The following TNPO1 variants were observed in gnomAD, a reference collection of about 807,000 sequenced individuals.
The protein encoded by TNPO1 is transportin 1.
In TNPO1, 8 loss-of-function variants were observed where a neutral mutation model predicts 119.5. That is an observed-to-expected ratio of 0.07 (90% CI 0.04 to 0.12). TNPO1 has a LOEUF of 0.12. Among genes scored for constraint, TNPO1 ranks in the 10% least tolerant of loss-of-function variants. The probability of loss-of-function intolerance (pLI) is 1.00; values close to 1 mark genes in which losing one functional copy is unlikely to be tolerated. For synonymous variants in TNPO1, 362 were observed against 363.0 expected (o/e 1.00, Z 0.03); for missense variants, 576 against 1,089.8 (o/e 0.53, Z 6.64).
chr5:72,882,995 C>T, intron 10 of TNPO1, 69 bp from the exon 11 acceptor site: 1 of 1,099,540 alleles, frequency 9.1e-7, no homozygotes, highest in Non-Finnish European at 1.4e-6. Context: ...TATTCTGTTT[C>T]TCTTACTCAT....
chr5:72,880,678 T>C (rs967606150), intron 9 of TNPO1, among the ~76,000 whole-genome samples: 1 of 151,978 alleles, frequency 6.6e-6, no homozygotes, highest in Non-Finnish European at 1.5e-5. Flanking sequence ...TAGCCAGGCA[T>C]GGTGGCGTAT....
At chr5:72,881,501 T>A (rs1193105222) in intron 9 of TNPO1, among the ~76,000 whole-genome samples, 2 of 152,238 alleles carry the variant, frequency 1.3e-5, no homozygotes, top group African/African-American at 4.8e-5. Context: ...GGTTGTTGAA[T>A]GCCTTTGGGG....
At chr5:72,901,144 C>A (rs1246461858) in intron 22 of TNPO1, 71 bp downstream of exon 22, 4 of 917,410 alleles carry the variant, frequency 4.4e-6, no homozygotes, top group South Asian at 4.4e-5. Context: ...CATTCTAATA[C>A]TTTAATTATA....
intron 3 of TNPO1, 151 bp from the exon 4 acceptor site, chr5:72,855,623 A>G: frequency 1.5e-6 from 1 of 660,970 alleles, no homozygotes; most frequent in Non-Finnish European, 2.5e-6. Flanking sequence ...TGATAGAGCT[A>G]ATCTTTTGTT....
At chr5:72,866,035 TTTTTTG>T (rs145573223) in intron 6 of TNPO1, among the ~76,000 whole-genome samples, 21,133 of 151,958 alleles carry the variant, frequency 0.14, 1,599 homozygotes, top group East Asian at 0.29. Flanking sequence ...TAGTTGTGGG[TTTTTTG>T]TTTTTGTTTT....
intron 9 of TNPO1, among the ~76,000 whole-genome samples, chr5:72,881,534 A>C (rs1163989125): frequency 6.6e-6 from 1 of 152,072 alleles, no homozygotes; most frequent in Non-Finnish European, 1.5e-5. Flanking sequence ...CCCTAGGGGG[A>C]TTGTTGGCTA....
chr5:72,848,640 CGGG>C (rs1163392917), intron 2 of TNPO1, 142 bp downstream of exon 2: 16 of 309,306 alleles, frequency 5.2e-5, no homozygotes, highest in Admixed American at 1.1e-4. Flanking sequence ...GGTCCGGGCG[CGGG>C]GGAAGCCGCC....
chr5:72,879,442 T>G (rs998266671), intron 9 of TNPO1, among the ~76,000 whole-genome samples: 2 of 152,206 alleles, frequency 1.3e-5, no homozygotes, highest in African/African-American at 2.4e-5. Context: ...AGCAGGAAAT[T>G]AAAAGATTAG....
At position 72,877,218 on chromosome 5, in the gene TNPO1, G is replaced by C. The variant is rs773926416; in HGVS notation, c.802-10G>C. Reference sequence around the variant, plus strand: ...TAAACTGACTAATATTAAGGATATTGTGTTTCCAGTACATGCTACAGAGGA... The same window carrying C: ...TAAACTGACTAATATTAAGGATATTCTGTTTCCAGTACATGCTACAGAGGA... On this transcript the variant is annotated splice_polypyrimidine_tract_variant and intron_variant, in intron 8 of 24. Transcript: ENST00000337273. 10 of 1,479,154 alleles carry C rather than the reference G, an allele frequency of 6.8e-6. No individual in the cohort carries two copies. In the South Asian group the frequency reaches 9.2e-5, roughly 14 times the overall value. 91.6% of individuals were successfully genotyped at this position (1,479,154 alleles called of 1,614,324 possible). A position where few individuals can be genotyped will look rare whatever the true frequency, so the allele number is the denominator to read the frequency against.
chr5:72,836,241 C>T (rs912208828), intron 1 of TNPO1, among the ~76,000 whole-genome samples: 6 of 152,228 alleles, frequency 3.9e-5, no homozygotes, highest in East Asian at 3.9e-4. Flanking sequence ...GGGGCCTCTG[C>T]GGTGGCCCCA....
intron 23 of TNPO1, 103 bp from the exon 24 acceptor site, chr5:72,905,199 TG>T: frequency 1.2e-6 from 1 of 862,562 alleles, no homozygotes; most frequent in Non-Finnish European, 1.8e-6. Context: ...TACTTTAAAA[TG>T]GATAAAATTT....
intron 3 of TNPO1, 111 bp downstream of exon 3, chr5:72,851,430 T>C (rs1421824780): frequency 4.4e-6 from 3 of 680,122 alleles, no homozygotes; most frequent in South Asian, 1.8e-5. Flanking sequence ...TTGTGCTTTA[T>C]AGATGTGGGA....
chr5:72,899,139 AGTATAAT>A (rs1435261955), intron 20 of TNPO1, among the ~76,000 whole-genome samples: 2 of 152,210 alleles, frequency 1.3e-5, no homozygotes, highest in Non-Finnish European at 1.5e-5. Context: ...GTGTGTAATT[AGTATAAT>A]GTATTATCTA....
intron 9 of TNPO1, among the ~76,000 whole-genome samples, chr5:72,880,038 T>C (rs974685479): frequency 3.3e-5 from 5 of 151,992 alleles, no homozygotes; most frequent in African/African-American, 1.2e-4. Flanking sequence ...AATACAAAAA[T>C]TAGCTGGGCG....
rs1415821692 is a variant in TNPO1 at position 72,893,498 on chromosome 5, G to A, written c.2018G>A (p.Arg673Gln). ...LGGNIEQLVA[R>Q]SNILTLMYQC... ...GGCAACATTGAACAGCTGGTAGCCC[G>A]AAGTAACATCCTGACACTAATGTAT... Residue 673 changes from arginine to glutamine, a missense_variant, in exon 17 of 25, where the codon CGA becomes CAA. Coordinates refer to ENST00000337273, the MANE Select transcript of TNPO1 (RefSeq NM_002270.4). 1.9e-6 allele frequency: 3 copies of A among 1,614,174 alleles called. No homozygotes were observed. Among genetic ancestry groups the A allele is most frequent in the East Asian group, 2.2e-5 (1 of 44,880 alleles).
rs921589038 is a variant in TNPO1, at chr5:72,910,384, G to T, written c.*1711G>T. ...TACTGTGAATGTGAAAACCTAACTG[G>T]TACACTTGATCTTGTGTTCATATGA... is the stretch of plus-strand genomic sequence containing the variant. On this transcript the variant is annotated 3_prime_UTR_variant, in exon 25 of 25. Transcript: ENST00000337273. 1 of 152,416 alleles carries T rather than the reference G, an allele frequency of 6.6e-6. No individual in the cohort carries two copies. The highest frequency in any genetic ancestry group is 1.5e-5 in the Non-Finnish European group (1 of 67,988). The allele number at this position is 152,416 out of a possible 1,614,324, so 9.4% of individuals were successfully genotyped here. A position where few individuals can be genotyped will look rare whatever the true frequency, so the allele number is the denominator to read the frequency against.
At chr5:72,865,432 C>T (rs908651758) in intron 5 of TNPO1, among the ~76,000 whole-genome samples, 164 bp from the exon 6 acceptor site, 4 of 149,442 alleles carry the variant, frequency 2.7e-5, no homozygotes, top group Non-Finnish European at 5.9e-5. Context: ...ACCAAGACTC[C>T]GTCTCAAAAA....
Position 72,816,763 on chromosome 5 carries a change from T to C in TNPO1, c.15+11T>C. On this transcript the variant is annotated intron_variant, in intron 1 of 24. Coordinates refer to ENST00000337273, the MANE Select transcript of TNPO1 (RefSeq NM_002270.4). ...ATGGTGTGGGACCGGGTAGGTGGCG[T>C]GAGGGTGCGCGGCCCCGAACTGCAG... 1 of 1,583,264 alleles carries C rather than the reference T, an allele frequency of 6.3e-7. No homozygotes were observed. Among genetic ancestry groups the C allele is most frequent in the Non-Finnish European group, 8.6e-7 (1 of 1,166,868 alleles).
rs985266193 is a variant in TNPO1, at chr5:72,887,352, T to C, written c.1303+130T>C. The C allele has an allele frequency of 7.8e-6, 8 of 1,024,466 alleles. No homozygotes were observed. In the African/African-American group the frequency reaches 1.1e-4, roughly 15 times the overall value. 63.5% of individuals were successfully genotyped at this position (1,024,466 alleles called of 1,614,324 possible). On this transcript the variant is annotated intron_variant, in intron 12 of 24. Transcript: ENST00000337273. ...TAGTATTAAACAGCCATAGGCCGTCTTCTAACCCCAGCTAGATATTTTGCA... is the reference window on the plus strand; with the variant it reads ...TAGTATTAAACAGCCATAGGCCGTCCTCTAACCCCAGCTAGATATTTTGCA...
Sources: allele counts gnomAD v4.1 joint callset (sites outside exome capture counted in the v4.1 genomes callset), GRCh38; gene constraint gnomAD v4.1.1; transcripts MANE v1.5; gene names NCBI Gene and HGNC (gene_info 2026-07-23, HGNC 2026-07-21).